MAP2: variants seen among roughly 807,000 people sequenced by gnomAD.
MAP2 encodes microtubule associated protein 2, also known as microtubule-associated protein 2.
Under a neutral mutation model 137.6 loss-of-function variants are expected in MAP2, and 14 were observed. The ratio of observed to expected loss-of-function variants is 0.10; its 90% CI spans 0.07 to 0.16. MAP2 has a LOEUF of 0.16. Among genes scored for constraint, MAP2 ranks in the 10% least tolerant of loss-of-function variants. The pLI, the probability that MAP2 is intolerant of heterozygous loss-of-function variation, is 1.00. For synonymous variants in MAP2, 786 were observed against 782.3 expected (o/e 1.00, Z -0.08); for missense variants, 2,088 against 2,191.5 (o/e 0.95, Z 0.94).
intron 1 of MAP2, among the ~76,000 whole-genome samples, chr2:209,469,274 A>G (rs1168753142): frequency 6.6e-6 from 1 of 152,102 alleles, no homozygotes; most frequent in Admixed American, 6.5e-5. Flanking sequence ...TCATTTGTGT[A>G]AGTTGTTCCC....
intron 7 of MAP2, among the ~76,000 whole-genome samples, chr2:209,682,881 C>T (rs2055306426): frequency 1.3e-5 from 2 of 152,120 alleles, no homozygotes; most frequent in African/African-American, 4.8e-5. Flanking sequence ...CCTGACATGA[C>T]CCTTGTACCT....
intron 1 of MAP2, among the ~76,000 whole-genome samples, chr2:209,483,769 A>G (rs1232274470): frequency 2.6e-5 from 4 of 151,984 alleles, no homozygotes; most frequent in Non-Finnish European, 1.5e-5. Context: ...TTTTGGAAAA[A>G]TTTTCAAGTC....
rs1399087094 is a variant in MAP2, at chr2:209,620,552, C to T, written c.-106-4501C>T. 2.6e-5 allele frequency among the ~76,000 whole-genome samples: 4 copies of T among 152,258 alleles called. No homozygotes were observed. In the South Asian group the frequency reaches 6.2e-4, roughly 24 times the overall value. On this transcript the variant is annotated intron_variant, in intron 3 of 15. Transcript: ENST00000682079. ...TCAATTATCAGTGCCTTTGGGACAC[C>T]ATGACTTCCTTCTACTCACAAATAT...
chr2:209,576,919 C>T (rs986004458), intron 2 of MAP2, among the ~76,000 whole-genome samples: 11 of 152,256 alleles, frequency 7.2e-5, no homozygotes, highest in African/African-American at 2.6e-4. Context: ...TGTACCAACT[C>T]ATTCTCATGT....
chr2:209,620,958 G>A (rs993897173), intron 3 of MAP2, among the ~76,000 whole-genome samples: 1 of 152,176 alleles, frequency 6.6e-6, no homozygotes, highest in Admixed American at 6.5e-5. Context: ...ATCTTAGGAG[G>A]CCGAAGTAGA....
intron 4 of MAP2, among the ~76,000 whole-genome samples, chr2:209,634,894 T>C (rs2093421444): frequency 6.6e-6 from 1 of 152,062 alleles, no homozygotes; most frequent in South Asian, 2.1e-4. Context: ...AGCATTTTGC[T>C]TGGGCAACAT....
At chr2:209,707,587 A>T (rs1238641518) in intron 12 of MAP2, among the ~76,000 whole-genome samples, 1 of 122,722 alleles carries the variant, frequency 8.1e-6, no homozygotes, top group East Asian at 3.2e-4. Flanking sequence ...AAATAAAAGC[A>T]CAGTTTAATC....
intron 3 of MAP2, among the ~76,000 whole-genome samples, chr2:209,582,661 AG>A (rs1424373018): frequency 6.2e-5 from 1 of 16,146 alleles, no homozygotes; most frequent in Non-Finnish European, 1.1e-3. Context: ...GATAGATGAT[AG>A]ATAGATAGAT....
intron 1 of MAP2, among the ~76,000 whole-genome samples, chr2:209,440,944 TATCACTA>T (rs1484065646): frequency 6.6e-6 from 1 of 151,532 alleles, no homozygotes. Context: ...GTGCTTATCA[TATCACTA>T]ATTTACATTT....
chr2:209,579,477 C>CG (rs1389067111), intron 2 of MAP2: 1 of 152,178 alleles, frequency 6.6e-6, no homozygotes, highest in African/African-American at 2.4e-5. Flanking sequence ...TGAATGATGG[C>CG]GGAGCTGAGT....
At chr2:209,658,690 A>G (rs1276391344) in intron 5 of MAP2, among the ~76,000 whole-genome samples, 1 of 152,006 alleles carries the variant, frequency 6.6e-6, no homozygotes, top group Non-Finnish European at 1.5e-5. Flanking sequence ...TATTTTTAGT[A>G]GAGACGGGGT....
intron 5 of MAP2, among the ~76,000 whole-genome samples, chr2:209,660,111 T>C (rs1339633682): frequency 6.6e-6 from 1 of 152,020 alleles, no homozygotes; most frequent in Non-Finnish European, 1.5e-5. Flanking sequence ...TCCCCTTGGG[T>C]AAATGTAAAG....
chr2:209,484,230 G>T (rs891023826), intron 1 of MAP2, among the ~76,000 whole-genome samples: 3 of 152,228 alleles, frequency 2.0e-5, no homozygotes, highest in Non-Finnish European at 4.4e-5. Context: ...GCAGTAGAAA[G>T]GCACAGACTG....
At chr2:209,446,536 A>G (rs745743518) in intron 1 of MAP2, among the ~76,000 whole-genome samples, 3 of 151,912 alleles carry the variant, frequency 2.0e-5, no homozygotes, top group Non-Finnish European at 1.5e-5. Context: ...TAAAATGTAG[A>G]AAATTTTTTA....
chr2:209,435,948 T>A (rs906122925), intron 1 of MAP2, among the ~76,000 whole-genome samples: 6 of 56,144 alleles, frequency 1.1e-4, no homozygotes, highest in Admixed American at 2.7e-4. Flanking sequence ...TAATATATAC[T>A]ATATATACAG....
At chr2:209,523,966 G>A (rs939119436) in intron 2 of MAP2, among the ~76,000 whole-genome samples, 30 of 152,056 alleles carry the variant, frequency 2.0e-4, no homozygotes, top group Admixed American at 1.3e-4. Context: ...AAGTTACATT[G>A]TTTGCCTGCT....
intron 3 of MAP2, among the ~76,000 whole-genome samples, chr2:209,583,439 A>C (rs1170250140): frequency 6.6e-6 from 1 of 152,068 alleles, no homozygotes; most frequent in Non-Finnish European, 1.5e-5. Context: ...CCAAGTGCTA[A>C]ATAGCATAAC....
intron 5 of MAP2, among the ~76,000 whole-genome samples, chr2:209,671,375 A>G (rs2048780117): frequency 1.3e-5 from 2 of 152,000 alleles, no homozygotes; most frequent in African/African-American, 4.8e-5. Flanking sequence ...AGCAAGGAGT[A>G]GAAGCAAATA....
chr2:209,452,496 T>C lies in MAP2; in HGVS notation c.-222+28220T>C, dbSNP rs550790658. Reference sequence around the variant, plus strand: ...AAAAATCATGGTTAGTACCCCTTTATGGTATCCTGAGGCATATCATATCCC... The same window carrying C: ...AAAAATCATGGTTAGTACCCCTTTACGGTATCCTGAGGCATATCATATCCC... On this transcript the variant is annotated intron_variant, in intron 1 of 15. Transcript: ENST00000682079. 2.5e-4 allele frequency among the ~76,000 whole-genome samples: 38 copies of C among 152,334 alleles called. 1 individual carries two copies. The South Asian group carries it at 7.9e-3, about 32-fold the overall frequency.
Sources: allele counts gnomAD v4.1 joint callset (sites outside exome capture counted in the v4.1 genomes callset), GRCh38; gene constraint gnomAD v4.1.1; transcripts MANE v1.5; gene names NCBI Gene and HGNC (gene_info 2026-07-23, HGNC 2026-07-21).